Variants in MAGI2 observed in about 807,000 individuals in gnomAD.
MAGI2 encodes membrane associated guanylate kinase, WW and PDZ domain containing 2.
Under a neutral mutation model 133.3 loss-of-function variants are expected in MAGI2, and 35 were observed. That is an observed-to-expected ratio of 0.26 (90% confidence interval 0.20 to 0.35). The LOEUF (loss-of-function observed/expected upper bound fraction) is 0.35. MAGI2 is among the 10% of genes least tolerant of loss of function. The probability of loss-of-function intolerance (pLI) is 1.00; values close to 1 mark genes in which losing one functional copy is unlikely to be tolerated. For synonymous variants in MAGI2, 729 were observed against 710.6 expected, an observed-to-expected ratio of 1.03 and a Z score of -0.41; for missense variants, 1,636 against 1,863.4, an observed-to-expected ratio of 0.88 and a Z score of 2.25.
chr7:79,364,060 G>C (rs1469693575), intron 1 of MAGI2, among the ~76,000 whole-genome samples: 1 of 151,846 alleles, frequency 6.6e-6, no homozygotes, highest in Non-Finnish European at 1.5e-5. Context: ...CACACCGATG[G>C]AATGTCTATT....
chr7:78,786,532 A>G (rs879387125), intron 2 of MAGI2, among the ~76,000 whole-genome samples: 2 of 152,172 alleles, frequency 1.3e-5, no homozygotes, highest in Non-Finnish European at 2.9e-5. Flanking sequence ...TCTCTTGTTC[A>G]CTGGACTCTG....
intron 6 of MAGI2, among the ~76,000 whole-genome samples, chr7:78,479,366 C>T (rs181997197): frequency 1.2e-3 from 187 of 151,984 alleles, no homozygotes; most frequent in African/African-American, 4.4e-3. Context: ...TTCCCCGTAC[C>T]TGCCTATATC....
intron 3 of MAGI2, among the ~76,000 whole-genome samples, chr7:78,569,933 TG>T (rs1373905270): frequency 6.6e-6 from 1 of 152,188 alleles, no homozygotes; most frequent in Non-Finnish European, 1.5e-5. Context: ...CTCAGCAATT[TG>T]TTTTTGATAT....
chr7:78,344,194 C>T (rs1790670950), intron 8 of MAGI2, among the ~76,000 whole-genome samples: 1 of 152,158 alleles, frequency 6.6e-6, no homozygotes, highest in African/African-American at 2.4e-5. Flanking sequence ...GGTTTGGAGA[C>T]AGACTTTTTG....
At chr7:78,899,993 TA>T (rs1490350259) in intron 2 of MAGI2, among the ~76,000 whole-genome samples, 1 of 152,178 alleles carries the variant, frequency 6.6e-6, no homozygotes, top group Non-Finnish European at 1.5e-5. Context: ...GAAGGCCTCC[TA>T]AAAGTGGATG....
intron 9 of MAGI2, among the ~76,000 whole-genome samples, chr7:78,284,225 ATGT>A (rs1427710820): frequency 6.6e-6 from 1 of 152,090 alleles, no homozygotes; most frequent in Non-Finnish European, 1.5e-5. Context: ...CCCTAGGCAA[ATGT>A]TTTTTTAAGA....
intron 2 of MAGI2, among the ~76,000 whole-genome samples, chr7:78,862,422 T>C (rs1410223213): frequency 5.3e-5 from 8 of 152,324 alleles, no homozygotes; most frequent in Middle Eastern, 3.4e-3. Flanking sequence ...GTCCAAGATA[T>C]TTTTGGTTAT....
At chr7:79,026,792 G>A (rs1809931419) in intron 1 of MAGI2, among the ~76,000 whole-genome samples, 1 of 151,760 alleles carries the variant, frequency 6.6e-6, no homozygotes, top group Non-Finnish European at 1.5e-5. Flanking sequence ...AAAATCGCTT[G>A]AGCCCCGAGA....
At chr7:78,378,760 G>T (rs1244841768) in intron 6 of MAGI2, among the ~76,000 whole-genome samples, 2 of 151,936 alleles carry the variant, frequency 1.3e-5, no homozygotes, top group Non-Finnish European at 2.9e-5. Context: ...ATATTTTGAG[G>T]ACAGGACTAA....
At chr7:79,357,895 C>T (rs1300724532) in intron 1 of MAGI2, among the ~76,000 whole-genome samples, 2 of 152,092 alleles carry the variant, frequency 1.3e-5, no homozygotes, top group African/African-American at 4.8e-5. Flanking sequence ...CATGAAAATA[C>T]TTGCAAATCA....
chr7:78,363,495 A>AAATAATAATAATAATAATAATGATAAT, intron 7 of MAGI2, among the ~76,000 whole-genome samples: 1 of 122,368 alleles, frequency 8.2e-6, no homozygotes, highest in East Asian at 2.1e-4. Flanking sequence ...TCCATCTCGA[A>AAATAATAATAATAATAATAATGATAAT]AATAATAATA....
intron 2 of MAGI2, among the ~76,000 whole-genome samples, chr7:78,628,967 AC>A (rs562424884): frequency 7.1e-4 from 108 of 151,988 alleles, no homozygotes; most frequent in African/African-American, 2.5e-3. Context: ...AATTTTCCTT[AC>A]TAATTTATCT....
intron 3 of MAGI2, among the ~76,000 whole-genome samples, chr7:78,556,166 C>T (rs573671379): frequency 1.3e-5 from 2 of 152,174 alleles, no homozygotes; most frequent in Non-Finnish European, 2.9e-5. Context: ...GAGTAAGAGG[C>T]ACAGAAGATA....
chr7:78,964,497 C>A (rs551077871), intron 2 of MAGI2, among the ~76,000 whole-genome samples: 2 of 151,994 alleles, frequency 1.3e-5, no homozygotes, highest in East Asian at 3.9e-4. Context: ...AATCTTTATA[C>A]AAATTTATGT....
At chr7:78,276,021 C>T (rs935614795) in intron 9 of MAGI2, among the ~76,000 whole-genome samples, 2 of 152,132 alleles carry the variant, frequency 1.3e-5, no homozygotes, top group African/African-American at 4.8e-5. Context: ...ATTTTGAATT[C>T]TACTCAGGAA....
intron 2 of MAGI2, among the ~76,000 whole-genome samples, chr7:78,664,886 T>A (rs1813376620): frequency 6.6e-6 from 1 of 152,016 alleles, no homozygotes; most frequent in South Asian, 2.1e-4. Context: ...TAAAAAATAC[T>A]AAAAAACAAA....
At chr7:79,046,498 CT>C (rs540720262) in intron 1 of MAGI2, among the ~76,000 whole-genome samples, 58 of 152,270 alleles carry the variant, frequency 3.8e-4, no homozygotes, top group African/African-American at 1.3e-3. Flanking sequence ...TGTGACAGCC[CT>C]AGCGAAGTAA....
chr7:78,545,904 A>G (rs1344447437), intron 3 of MAGI2, among the ~76,000 whole-genome samples: 1 of 152,242 alleles, frequency 6.6e-6, no homozygotes, highest in Non-Finnish European at 1.5e-5. Context: ...CTAACAAATC[A>G]ATTTGCCTGA....
At chr7:78,958,603 C>A (rs1312718690) in intron 2 of MAGI2, among the ~76,000 whole-genome samples, 1 of 152,080 alleles carries the variant, frequency 6.6e-6, no homozygotes, top group Non-Finnish European at 1.5e-5. Context: ...TTATAGTTAG[C>A]TAGCCAGGGA....
Sources: allele counts gnomAD v4.1 joint callset (sites outside exome capture counted in the v4.1 genomes callset), GRCh38; gene constraint gnomAD v4.1.1; transcripts MANE v1.5; gene names NCBI Gene and HGNC (gene_info 2026-07-23, HGNC 2026-07-21).